DHTKD1: variants seen among roughly 807,000 people sequenced by gnomAD.
DHTKD1 encodes dehydrogenase E1 and transketolase domain containing 1.
Under a neutral mutation model 101.8 loss-of-function variants are expected in DHTKD1, and 78 were observed. That is an observed-to-expected ratio of 0.77 (90% confidence interval 0.64 to 0.93). The LOEUF (loss-of-function observed/expected upper bound fraction) is 0.93, where lower values mean the gene tolerates loss of function less well. Ranked by LOEUF, DHTKD1 falls within the 40% of genes least tolerant of loss-of-function variation. The pLI is 0.00. For missense variants in DHTKD1, 1,223 were observed against 1,161.7 expected (o/e 1.05, Z -0.77); for synonymous variants, 462 against 450.3 (o/e 1.03, Z -0.33).
chr10:12,082,178 A>G (rs1832830138), intron 2 of DHTKD1, among the ~76,000 whole-genome samples: 1 of 152,138 alleles, frequency 6.6e-6, no homozygotes. Flanking sequence ...TATGCTTAGC[A>G]TATGTCAATT....
chr10:12,085,237 G>GA (rs2131355484), intron 3 of DHTKD1, among the ~76,000 whole-genome samples: 1 of 152,188 alleles, frequency 6.6e-6, no homozygotes, highest in Admixed American at 6.6e-5. Flanking sequence ...TGGAACCTGG[G>GA]AGGTGGAGGC....
chr10:12,073,277 A>G (rs564437288), intron 1 of DHTKD1, among the ~76,000 whole-genome samples: 139 of 150,914 alleles, frequency 9.2e-4, no homozygotes, highest in Non-Finnish European at 1.5e-3. Context: ...AAGTGACCCA[A>G]CAACCTCTGC....
At position 12,094,275 on chromosome 10, in the gene DHTKD1, C is replaced by T. The variant is rs953474855; in HGVS notation, c.1358+4C>T. The T allele has an allele frequency of 6.2e-7, 1 of 1,612,798 alleles. No individual in the cohort carries two copies. On this transcript the variant is annotated splice_donor_region_variant and intron_variant, in intron 7 of 16. Transcript: ENST00000263035. ...CCATCATGTACAAAATCATCAGGTA[C>T]AATTATAAACCCTTGTGTGATATGC...
intron 1 of DHTKD1, among the ~76,000 whole-genome samples, chr10:12,076,673 T>A (rs1179023522): frequency 6.6e-6 from 1 of 151,848 alleles, no homozygotes; most frequent in Non-Finnish European, 1.5e-5. Flanking sequence ...TTTCTTTTTT[T>A]CTCGGGACGG....
In DHTKD1 at chr10:12,087,578, G is replaced by A. The variant is rs1463096734; in HGVS notation, c.566G>A (p.Arg189Gln). The A allele has an allele frequency of 5.0e-6, 8 of 1,612,652 alleles. No homozygotes were observed. Among genetic ancestry groups the A allele is most frequent in the South Asian group, 1.1e-5 (1 of 90,870 alleles). ...GCCACCAAGTTCTCGACAGTGAAGC[G>A]ATATGGAGGCGAAGGGGCTGAAAGC... is the stretch of plus-strand genomic sequence containing the variant. ...FLATKFSTVK[R>Q]YGGEGAESMM... is the part of the protein sequence containing the mutation. The change falls in exon 4 of 17, where the codon CGA becomes CAA. Residue 189 changes from arginine (R) to glutamine (Q), a missense_variant. By Grantham distance (43) the Arg-to-Gln change is conservative. Transcript: ENST00000263035. This position sits in a 1 kb window ranked among gnomAD's most constrained non-coding sequence, Gnocchi z 5.2.
intron 8 of DHTKD1, 65 bp from the exon 9 acceptor site, chr10:12,100,113 A>G (rs1833135810): frequency 1.1e-6 from 1 of 939,880 alleles, no homozygotes; most frequent in South Asian, 1.5e-5. Context: ...AATTTTTTGT[A>G]CTCATTGTGA....
At chr10:12,093,615 G>A (rs534536108) in intron 6 of DHTKD1, among the ~76,000 whole-genome samples, 38 of 152,298 alleles carry the variant, frequency 2.5e-4, no homozygotes, top group Middle Eastern at 3.4e-3. Flanking sequence ...TCTTGGGCTT[G>A]TCTATGTGAA....
chr10:12,095,317 A>C (rs1205281574), intron 7 of DHTKD1, among the ~76,000 whole-genome samples: 1 of 152,198 alleles, frequency 6.6e-6, no homozygotes, highest in Non-Finnish European at 1.5e-5. Context: ...ATAAACCCAA[A>C]ATAATATTTT....
intron 3 of DHTKD1, among the ~76,000 whole-genome samples, chr10:12,086,080 A>C (rs1832891914): frequency 6.6e-6 from 1 of 151,508 alleles, no homozygotes; most frequent in Non-Finnish European, 1.5e-5. Context: ...ATGTTGGCCA[A>C]GATGGTCTCG....
At chr10:12,114,923 G>A (rs1327227596) in intron 13 of DHTKD1, among the ~76,000 whole-genome samples, 1 of 152,128 alleles carries the variant, frequency 6.6e-6, no homozygotes, top group Non-Finnish European at 1.5e-5. Context: ...AGCCTCCTGA[G>A]TAGTTGGGAC....
At chr10:12,073,170 T>G (rs1832676211) in intron 1 of DHTKD1, among the ~76,000 whole-genome samples, 1 of 151,394 alleles carries the variant, frequency 6.6e-6, no homozygotes, top group Non-Finnish European at 1.5e-5. Context: ...TTAGCTGAGA[T>G]TACAGGCATA....
chr10:12,088,012 CTG>C (rs1231828934), intron 4 of DHTKD1, among the ~76,000 whole-genome samples: 1 of 152,180 alleles, frequency 6.6e-6, no homozygotes, highest in Admixed American at 6.6e-5. Flanking sequence ...ACTCAGGAGA[CTG>C]AGGCCAGAGG....
chr10:12,071,483 T>C (rs886971911), intron 1 of DHTKD1, among the ~76,000 whole-genome samples: 1 of 152,184 alleles, frequency 6.6e-6, no homozygotes, highest in Non-Finnish European at 1.5e-5. Flanking sequence ...TTAAATTTTA[T>C]TTATTAGGCC....
intron 1 of DHTKD1, among the ~76,000 whole-genome samples, chr10:12,074,101 C>T (rs925591338): frequency 6.6e-5 from 10 of 152,198 alleles, no homozygotes; most frequent in African/African-American, 2.2e-4. Flanking sequence ...GGCGGTATTA[C>T]GCCTAACGTA....
chr10:12,093,487 T>C (rs1284570520), intron 6 of DHTKD1, among the ~76,000 whole-genome samples: 1 of 152,192 alleles, frequency 6.6e-6, no homozygotes, highest in Non-Finnish European at 1.5e-5. Flanking sequence ...CAGGCTGAAA[T>C]TGGTCATCTT....
intron 12 of DHTKD1, among the ~76,000 whole-genome samples, chr10:12,108,294 T>A (rs539800233): frequency 6.6e-6 from 1 of 152,266 alleles, no homozygotes; most frequent in South Asian, 2.1e-4. Context: ...TTTTATTTTT[T>A]TTTGAGATGG....
chr10:12,074,530 T>G (rs919842050), intron 1 of DHTKD1, among the ~76,000 whole-genome samples: 18 of 142,038 alleles, frequency 1.3e-4, no homozygotes, highest in African/African-American at 3.5e-4. Context: ...TAATTTTTTG[T>G]TTTTTTTTTA....
At chr10:12,082,148 CCTT>C (rs1173499262) in intron 2 of DHTKD1, among the ~76,000 whole-genome samples, 1 of 151,910 alleles carries the variant, frequency 6.6e-6, no homozygotes, top group Non-Finnish European at 1.5e-5. Flanking sequence ...AAACAAAAAA[CCTT>C]GAACTCTAAA....
chr10:12,119,615 CA>C (rs71382684), intron 15 of DHTKD1, among the ~76,000 whole-genome samples: 3,339 of 89,234 alleles, frequency 0.037, 93 homozygotes, highest in African/African-American at 0.11. Context: ...GACTCCGTCT[CA>C]AAAAAAAAAA....
Sources: gnomAD v4.1 joint callset for allele counts (sites outside exome capture counted in the v4.1 genomes callset) on GRCh38, gnomAD v4.1.1 for gene constraint, Gnocchi (gnomAD v3.1) non-coding constraint, MANE v1.5 for transcripts, NCBI Gene and HGNC (gene_info 2026-07-23, HGNC 2026-07-21) for gene names.